The following PRKX variants were observed in gnomAD, a reference collection of about 807,000 sequenced individuals.
PRKX encodes cAMP-dependent protein kinase catalytic subunit PRKX.
PRKX carries 12 observed loss-of-function variants against 22.0 expected under a neutral mutation model. The ratio of observed to expected loss-of-function variants is 0.54; its 90% CI spans 0.35 to 0.88. The LOEUF is 0.88. Ranked by LOEUF, PRKX falls within the 40% of genes least tolerant of loss-of-function variation. The probability of loss-of-function intolerance (pLI) is 0.01; values close to 1 mark genes in which losing one functional copy is unlikely to be tolerated. For missense variants in PRKX, 217 were observed against 308.0 expected, an observed-to-expected ratio of 0.70 and a Z score of 2.21; for synonymous variants, 134 against 137.7, an observed-to-expected ratio of 0.97 and a Z score of 0.19.
At chrX:3,651,427 A>C (rs184964001) in intron 3 of PRKX, among the ~76,000 whole-genome samples, 87 of 112,254 alleles carry the variant, frequency 7.8e-4, no homozygotes, top group African/African-American at 2.8e-3. Context: ...AGAATTTACT[A>C]ATATACCGTG....
chrX:3,696,320 C>A (rs1185298722), intron 1 of PRKX, among the ~76,000 whole-genome samples: 1 of 111,597 alleles, frequency 9.0e-6, no homozygotes, highest in Admixed American at 9.6e-5. Flanking sequence ...CACTCCTCAA[C>A]TTACAATGAT....
At chrX:3,645,212 A>G (rs1927163638) in intron 3 of PRKX, among the ~76,000 whole-genome samples, 1 of 111,431 alleles carries the variant, frequency 9.0e-6, no homozygotes, top group Non-Finnish European at 1.9e-5. Context: ...GGGTAGAAGG[A>G]AGGTGACACC....
At chrX:3,614,220 G>C (rs759173878) in intron 7 of PRKX, among the ~76,000 whole-genome samples, 8 of 112,440 alleles carry the variant, frequency 7.1e-5, no homozygotes, top group African/African-American at 2.6e-4. Flanking sequence ...AAGCCAGGCC[G>C]GGTGCAGCGG....
intron 1 of PRKX, among the ~76,000 whole-genome samples, chrX:3,676,210 T>G (rs1212837487): frequency 8.9e-6 from 1 of 112,103 alleles, no homozygotes; most frequent in East Asian, 2.8e-4. Context: ...CCGTATTATG[T>G]GATCACACCC....
At chrX:3,653,545 A>G (rs1161152823) in intron 3 of PRKX, among the ~76,000 whole-genome samples, 1 of 103,380 alleles carries the variant, frequency 9.7e-6, no homozygotes, top group African/African-American at 3.5e-5. Context: ...CCAGAAAAGA[A>G]ACACATATAT....
At position 3,713,101 on chromosome X, in the gene PRKX, C is replaced by T; in HGVS notation, c.153G>A (p.Thr51=). The T allele has an allele frequency of 8.6e-7, 1 of 1,167,182 alleles. No homozygotes were observed. Among genetic ancestry groups the T allele is most frequent in the Admixed American group, 2.5e-5 (1 of 40,369 alleles). The stretch of plus-strand genomic sequence containing the variant: ...GCACTCACTCACCCACGGTGGCCAG[C>T]GTGTCAAAGTCCTGCAGGCTGTACA... ...PPVYSLQDFD[T]LATVGTGTFG... Residue 51 remains threonine, a synonymous_variant, in exon 1 of 9, where the codon ACG becomes ACA. Coordinates refer to ENST00000262848, the MANE Select transcript of PRKX (RefSeq NM_005044.5).
intron 1 of PRKX, among the ~76,000 whole-genome samples, chrX:3,697,428 T>C (rs1346460539): frequency 8.9e-6 from 1 of 112,035 alleles, no homozygotes; most frequent in South Asian, 3.7e-4. Flanking sequence ...ATTGGAGACC[T>C]GCTTCCTGCA....
chrX:3,674,988 AG>A (rs762869232), intron 1 of PRKX, among the ~76,000 whole-genome samples: 34 of 111,423 alleles, frequency 3.1e-4, no homozygotes, highest in Non-Finnish European at 3.6e-4. Flanking sequence ...AGAGAGAAAG[AG>A]GGAGAGAGAG....
At chrX:3,701,076 T>A (rs927838783) in intron 1 of PRKX, among the ~76,000 whole-genome samples, 2 of 108,792 alleles carry the variant, frequency 1.8e-5, no homozygotes, top group Admixed American at 2.0e-4. Context: ...TTTCTTCTGT[T>A]TTCTTTCTTC....
chrX:3,641,747 C>G, intron 4 of PRKX, 105 bp downstream of exon 4: 1 of 308,182 alleles, frequency 3.2e-6, no homozygotes, highest in African/African-American at 3.1e-5. Flanking sequence ...GTTTGCGACA[C>G]TCACGTACTG....
intron 5 of PRKX, 67 bp from the exon 6 acceptor site, chrX:3,621,383 G>C: frequency 2.1e-6 from 2 of 965,404 alleles, no homozygotes; most frequent in Non-Finnish European, 2.9e-6. Flanking sequence ...AGCAAACGCA[G>C]CATGGCAACA....
chrX:3,619,308 G>C (rs1289494008), intron 6 of PRKX, among the ~76,000 whole-genome samples: 2 of 111,445 alleles, frequency 1.8e-5, no homozygotes, highest in African/African-American at 6.5e-5. Flanking sequence ...GCCCCCAGGA[G>C]CTGGGAGAGG....
At chrX:3,696,221 C>T (rs1238711896) in intron 1 of PRKX, among the ~76,000 whole-genome samples, 2 of 110,697 alleles carry the variant, frequency 1.8e-5, no homozygotes, top group African/African-American at 6.6e-5. Context: ...CACCAGACAC[C>T]GAATGTGCCA....
intron 1 of PRKX, among the ~76,000 whole-genome samples, chrX:3,707,729 G>C (rs1259948938): frequency 8.9e-6 from 1 of 111,910 alleles, no homozygotes; most frequent in Admixed American, 9.5e-5. Context: ...CCTTGGAAAT[G>C]TTCTCTGATG....
chrX:3,713,054 C>T (rs751328030), intron 1 of PRKX, 34 bp downstream of exon 1: 1 of 1,144,481 alleles, frequency 8.7e-7, no homozygotes, highest in East Asian at 3.5e-5. Context: ...GCCGCGCGCC[C>T]CTGTGGGCCG....
intron 4 of PRKX, among the ~76,000 whole-genome samples, chrX:3,627,366 G>C (rs188276244): frequency 0.059 from 5,116 of 86,970 alleles, 356 homozygotes; most frequent in African/African-American, 0.2. Context: ...TGGGAAACAA[G>C]AGTGAAACTC....
intron 4 of PRKX, among the ~76,000 whole-genome samples, chrX:3,635,910 A>C (rs1363074474): frequency 8.9e-6 from 1 of 111,874 alleles, no homozygotes; most frequent in South Asian, 3.7e-4. Context: ...CTCTTGAGTT[A>C]AACTCTCTGG....
Position 3,608,623 on chromosome X carries a change from A to T in PRKX, c.*346T>A, listed in dbSNP as rs1437515934. On this transcript the variant is annotated 3_prime_UTR_variant, in exon 9 of 9. Transcript: ENST00000262848. Reference sequence around the variant, plus strand: ...CACACACACACACACACACACACACAATTTGTGGTTATAATCGAACAAGTC... The same window carrying T: ...CACACACACACACACACACACACACTATTTGTGGTTATAATCGAACAAGTC... The T allele has an allele frequency of 5.1e-5, 5 of 97,677 alleles. No individual in the cohort carries two copies. Among genetic ancestry groups the T allele is most frequent in the African/African-American group, 7.9e-5 (2 of 25,420 alleles). 8.0% of individuals were successfully genotyped at this position (97,677 alleles called of 1,213,427 possible). A position where few individuals can be genotyped will look rare whatever the true frequency, so the allele number is the denominator to read the frequency against.
intron 1 of PRKX, among the ~76,000 whole-genome samples, chrX:3,693,403 T>C (rs1475824565): frequency 9.1e-6 from 1 of 109,697 alleles, no homozygotes; most frequent in Non-Finnish European, 1.9e-5. Context: ...AGAGGGAGGG[T>C]GGAGATGATC....
Sources: allele counts gnomAD v4.1 joint callset (sites outside exome capture counted in the v4.1 genomes callset), GRCh38; gene constraint gnomAD v4.1.1; transcripts MANE v1.5; gene names NCBI Gene and HGNC (gene_info 2026-07-23, HGNC 2026-07-21).